Variants in SEZ6L observed in about 807,000 individuals in gnomAD.
SEZ6L encodes seizure 6-like protein.
A neutral mutation model predicts 106.2 loss-of-function variants in SEZ6L; 37 were observed. That is an observed-to-expected ratio of 0.35 (90% CI 0.27 to 0.46). The LOEUF (loss-of-function observed/expected upper bound fraction) is 0.46, where lower values mean the gene tolerates loss of function less well. Among genes scored for constraint, SEZ6L ranks in the 20% least tolerant of loss-of-function variants. SEZ6L has a pLI of 1.00. For synonymous variants in SEZ6L, 541 were observed against 570.4 expected (o/e 0.95, Z 0.73); for missense variants, 1,172 against 1,332.8 (o/e 0.88, Z 1.88).
intron 1 of SEZ6L, among the ~76,000 whole-genome samples, chr22:26,205,683 A>G (rs1039164038): frequency 4.6e-5 from 7 of 152,060 alleles, no homozygotes; most frequent in Non-Finnish European, 8.8e-5. Flanking sequence ...TGAAATTGGC[A>G]TTTTAGCAAC....
At chr22:26,313,487 TG>T (rs2081903788) in intron 8 of SEZ6L, among the ~76,000 whole-genome samples, 39 of 152,004 alleles carry the variant, frequency 2.6e-4, no homozygotes, top group Admixed American at 2.0e-3. Flanking sequence ...TCCTTGGTCT[TG>T]AAAGAGCAAT....
intron 12 of SEZ6L, 93 bp from the exon 13 acceptor site, chr22:26,365,279 G>A: frequency 9.4e-7 from 1 of 1,061,820 alleles, no homozygotes; most frequent in South Asian, 1.6e-5. Flanking sequence ...GGATGCTGGA[G>A]AGGCTGACCA....
chr22:26,169,811 G>C, intron 1 of SEZ6L, 48 bp downstream of exon 1: 2 of 996,652 alleles, frequency 2.0e-6, no homozygotes, highest in Non-Finnish European at 2.6e-6. Flanking sequence ...GTTGCCGGGA[G>C]AGCGGGGCAG....
intron 7 of SEZ6L, among the ~76,000 whole-genome samples, chr22:26,311,172 C>A (rs1247915490): frequency 3.9e-5 from 6 of 152,140 alleles, no homozygotes; most frequent in African/African-American, 1.2e-4. Flanking sequence ...ACTTGGGTGA[C>A]CGGCCCAAGA....
intron 1 of SEZ6L, among the ~76,000 whole-genome samples, chr22:26,188,946 T>G (rs1353607376): frequency 6.6e-6 from 1 of 152,340 alleles, no homozygotes; most frequent in African/African-American, 2.4e-5. Context: ...TGCTCTAGCA[T>G]TAATACATGT....
intron 9 of SEZ6L, among the ~76,000 whole-genome samples, chr22:26,324,592 C>T (rs1241623184): frequency 6.6e-6 from 1 of 152,122 alleles, no homozygotes; most frequent in Non-Finnish European, 1.5e-5. Context: ...ACAACGTTAG[C>T]CCTGGGAGAA....
At chr22:26,285,917 C>G (rs2080920508) in intron 1 of SEZ6L, among the ~76,000 whole-genome samples, 1 of 152,208 alleles carries the variant, frequency 6.6e-6, no homozygotes. Flanking sequence ...ACCTCACACT[C>G]CTTTACTGGG....
chr22:26,326,603 G>C (rs1316366100), intron 9 of SEZ6L, among the ~76,000 whole-genome samples: 1 of 152,160 alleles, frequency 6.6e-6, no homozygotes, highest in South Asian at 2.1e-4. Context: ...GGGTGAAATG[G>C]CTTGCCACTT....
Position 26,293,114 on chromosome 22 carries a change from C to G in SEZ6L, c.803C>G (p.Thr268Ser). The change falls in exon 2 of 17, where the codon ACC becomes AGC. Residue 268 changes from threonine (T) to serine (S), a missense_variant. Thr to Ser is a moderately conservative substitution (Grantham distance 58). Coordinates refer to ENST00000248933, the MANE Select transcript of SEZ6L (RefSeq NM_021115.5). ...GAGACCACTACCTCCACCATTATCA[C>G]CACCACGGTCATCACCACCGAGCAG... ...SQETTTSTIITTTVITTEQAP... is the reference protein window; with the variant it reads ...SQETTTSTIISTTVITTEQAP... 6.3e-7 allele frequency: 1 copy of G among 1,585,498 alleles called. No individual in the cohort carries two copies. The highest frequency in any genetic ancestry group is 8.5e-7 in the Non-Finnish European group (1 of 1,171,706).
chr22:26,212,405 T>TC (rs1358704582), intron 1 of SEZ6L, among the ~76,000 whole-genome samples: 1 of 152,194 alleles, frequency 6.6e-6, no homozygotes, highest in Non-Finnish European at 1.5e-5. Context: ...AAGCAATACT[T>TC]CAAGACAAAG....
At chr22:26,255,983 A>C (rs2079804796) in intron 1 of SEZ6L, among the ~76,000 whole-genome samples, 1 of 152,146 alleles carries the variant, frequency 6.6e-6, no homozygotes, top group African/African-American at 2.4e-5. Flanking sequence ...AGATCAAGGG[A>C]GTGATGGTTA....
At position 26,293,144 on chromosome 22, in the gene SEZ6L, C is replaced by T; in HGVS notation, c.833C>T (p.Pro278Leu). ...ACGGTCATCACCACCGAGCAGGCAC[C>T]AGGTATGCAGCCCCCAACTCCTGAA... ...TTTVITTEQA[P>L]ALCSVSFSNP... The change falls in exon 2 of 17, where the codon CCA becomes CTA. Residue 278 changes from proline (P) to leucine (L), a missense_variant and splice_region_variant. Around this residue, in one of 4 missense-constraint regions of SEZ6L, gnomAD observed 494 missense variants for 445.8 expected, o/e 1.11. Transcript: ENST00000248933. 1 of 1,524,168 alleles carries T rather than the reference C, an allele frequency of 6.6e-7. No individual in the cohort carries two copies. The highest frequency in any genetic ancestry group is 1.2e-5 in the South Asian group (1 of 80,468). The allele number at this position is 1,524,168 out of a possible 1,614,324, so 94.4% of individuals were successfully genotyped here. A position where few individuals can be genotyped will look rare whatever the true frequency, so the allele number is the denominator to read the frequency against.
intron 13 of SEZ6L, among the ~76,000 whole-genome samples, chr22:26,367,186 G>T (rs1283634997): frequency 6.6e-6 from 1 of 152,090 alleles, no homozygotes; most frequent in Non-Finnish European, 1.5e-5. Context: ...GGCAAAAGAG[G>T]TGCCTGAGGT....
At chr22:26,259,706 C>A (rs906396433) in intron 1 of SEZ6L, among the ~76,000 whole-genome samples, 2 of 152,120 alleles carry the variant, frequency 1.3e-5, no homozygotes, top group Non-Finnish European at 1.5e-5. Context: ...AAGGAGGCAC[C>A]CATGCGGGGT....
chr22:26,293,916 A>G (rs2081217037), intron 2 of SEZ6L, among the ~76,000 whole-genome samples: 6 of 152,152 alleles, frequency 3.9e-5, no homozygotes, highest in African/African-American at 1.4e-4. Context: ...GACAAGTGCA[A>G]TGTGGCCACC....
chr22:26,381,872 T>C lies in SEZ6L; in HGVS notation c.*1577T>C, dbSNP rs912960595. On this transcript the variant is annotated 3_prime_UTR_variant, in exon 17 of 17. Transcript: ENST00000248933. ...CTCTTTGGTGCCCTCCCATTCTCTC[T>C]GGAATTGTTTCAAGTCTGCTGGTTT... The C allele has an allele frequency of 4.9e-5, 19 of 391,406 alleles. No individual in the cohort carries two copies. The highest frequency in any genetic ancestry group is 3.3e-4 in the African/African-American group (16 of 48,074). 24.2% of individuals were successfully genotyped at this position (391,406 alleles called of 1,614,324 possible). A position where few individuals can be genotyped will look rare whatever the true frequency, so the allele number is the denominator to read the frequency against.
At chr22:26,252,446 G>A (rs1475375739) in intron 1 of SEZ6L, among the ~76,000 whole-genome samples, 1 of 152,166 alleles carries the variant, frequency 6.6e-6, no homozygotes, top group African/African-American at 2.4e-5. Context: ...TAGATTCATG[G>A]GGTACATGTA....
rs200098200 is a variant in SEZ6L at position 26,351,239 on chromosome 22, C to T, written c.2595C>T (p.Cys865=). 2.4e-5 allele frequency: 38 copies of T among 1,613,258 alleles called. No individual in the cohort carries two copies. Among genetic ancestry groups the T allele is most frequent in the Middle Eastern group, 1.6e-4 (1 of 6,080 alleles). ...TPIWTSRLPH[C]VSEESLACDN... ...TCTGGACGTCTCGCCTGCCCCACTG[C>T]GTTTGTGAGTCCTGTTTAATGAATT... Residue 865 remains cysteine (C), a synonymous_variant, in exon 12 of 17, where the codon TGC becomes TGT. Coordinates refer to ENST00000248933, the MANE Select transcript of SEZ6L (RefSeq NM_021115.5).
intron 1 of SEZ6L, among the ~76,000 whole-genome samples, chr22:26,258,265 C>T (rs556164271): frequency 3.9e-5 from 6 of 152,214 alleles, no homozygotes; most frequent in South Asian, 2.1e-4. Flanking sequence ...CATCAGGCAC[C>T]GCACCAGGCA....
Sources: allele counts gnomAD v4.1 joint callset (sites outside exome capture counted in the v4.1 genomes callset), GRCh38; gene constraint gnomAD v4.1.1; regional missense constraint gnomAD v4.1.1; transcripts MANE v1.5; gene names NCBI Gene and HGNC (gene_info 2026-07-23, HGNC 2026-07-21).